PREP: variants seen among roughly 807,000 people sequenced by gnomAD.
PREP encodes dJ355L5.1 (prolyl endopeptidase).
In PREP, 29 loss-of-function variants were observed where a neutral mutation model predicts 87.6. That is an observed-to-expected ratio of 0.33 (90% CI 0.25 to 0.45). The LOEUF is 0.45. PREP is among the 20% of genes least tolerant of loss of function. The probability of loss-of-function intolerance (pLI) is 1.00; values close to 1 mark genes in which losing one functional copy is unlikely to be tolerated. For missense variants in PREP, 695 were observed against 886.5 expected (o/e 0.78, Z 2.74); for synonymous variants, 337 against 328.6 (o/e 1.03, Z -0.28).
rs557872557 is a variant in PREP at position 105,274,700 on chromosome 6, G to A, written c.*3444C>T. Among the ~76,000 whole-genome samples, 1 of 152,260 alleles carries A rather than the reference G, an allele frequency of 6.6e-6. No individual in the cohort carries two copies. The highest frequency in any genetic ancestry group is 1.5e-5 in the Non-Finnish European group (1 of 68,032). ...GGAGAATCACGTGAACCCAAGAGGT[G>A]GAGGTTGCAGTAAGCTGAGATAGCG... On this transcript the variant is annotated 3_prime_UTR_variant, in exon 15 of 15. Transcript: ENST00000652536.
At chr6:105,354,126 GTTCA>G (rs1374132583) in intron 6 of PREP, among the ~76,000 whole-genome samples, 4 of 152,184 alleles carry the variant, frequency 2.6e-5, no homozygotes, top group African/African-American at 9.6e-5. Flanking sequence ...TGTAAATCTA[GTTCA>G]TTCATTTTAA....
chr6:105,298,266 A>G (rs1770454035), intron 10 of PREP: 1 of 152,234 alleles, frequency 6.6e-6, no homozygotes, highest in Non-Finnish European at 1.5e-5. Context: ...TGCTTTGTCA[A>G]GTGACCCTGC....
chr6:105,285,592 T>TA lies in PREP; in HGVS notation c.1455-13dup. 6.2e-7 allele frequency: 1 copy of TA among 1,604,502 alleles called. No individual in the cohort carries two copies. Among genetic ancestry groups the TA allele is most frequent in the Middle Eastern group, 1.7e-4 (1 of 6,042 alleles). On this transcript the variant is annotated splice_polypyrimidine_tract_variant and intron_variant, in intron 11 of 14. Transcript: ENST00000652536. ...TAAGCCTGGAAACACTGAGAAGCAGTAAAAACAGTTAACCTTCCATTAACT... is the reference window on the plus strand; with the variant it reads ...TAAGCCTGGAAACACTGAGAAGCAGTAAAAAACAGTTAACCTTCCATTAACT...
At chr6:105,281,960 A>ACAAGG in intron 13 of PREP, 58 bp from the exon 14 acceptor site, 1 of 1,581,592 alleles carries the variant, frequency 6.3e-7, no homozygotes, top group Admixed American at 1.8e-5. Flanking sequence ...ATCTACATAA[A>ACAAGG]CAAGGCAAGG....
At chr6:105,396,486 A>T (rs1443570716) in intron 2 of PREP, among the ~76,000 whole-genome samples, 8 of 152,164 alleles carry the variant, frequency 5.3e-5, no homozygotes, top group Non-Finnish European at 1.2e-4. Flanking sequence ...TGCTCTGGCT[A>T]AGCTCTTCAC....
chr6:105,344,718 C>T (rs1029687741), intron 7 of PREP, among the ~76,000 whole-genome samples: 2 of 152,094 alleles, frequency 1.3e-5, no homozygotes, highest in Non-Finnish European at 2.9e-5. Context: ...TTAGGAGATA[C>T]ACCTAATGTA....
intron 7 of PREP, among the ~76,000 whole-genome samples, chr6:105,344,522 CCTTTGTAGGGACATGGATGAA>C (rs1189701696): frequency 9.9e-5 from 15 of 151,266 alleles, no homozygotes; most frequent in African/African-American, 3.6e-4. Flanking sequence ...GAGTTCATGT[CCTTTGTAGGGACATGGATGAA>C]GCTGGAAACC....
chr6:105,342,884 A>G (rs1389116489), intron 7 of PREP, among the ~76,000 whole-genome samples: 4 of 152,248 alleles, frequency 2.6e-5, no homozygotes, highest in African/African-American at 9.6e-5. Context: ...AGAGGATACA[A>G]ACAAATGGAA....
At chr6:105,388,970 A>C (rs940664828) in intron 2 of PREP, among the ~76,000 whole-genome samples, 1 of 152,248 alleles carries the variant, frequency 6.6e-6, no homozygotes, top group Non-Finnish European at 1.5e-5. Flanking sequence ...CACACTTACA[A>C]GTCACAGTTC....
chr6:105,367,817 G>T (rs752524134), intron 6 of PREP, among the ~76,000 whole-genome samples: 1 of 152,052 alleles, frequency 6.6e-6, no homozygotes, highest in Non-Finnish European at 1.5e-5. Flanking sequence ...TGAGCCATAC[G>T]GACTTCTGTG....
intron 10 of PREP, among the ~76,000 whole-genome samples, chr6:105,307,373 A>T (rs1027663147): frequency 1.3e-5 from 2 of 152,010 alleles, no homozygotes; most frequent in African/African-American, 4.8e-5. Context: ...GGAGCCTTAG[A>T]TGCTTCTCCT....
intron 7 of PREP, among the ~76,000 whole-genome samples, chr6:105,342,325 T>C (rs1429691246): frequency 1.3e-5 from 2 of 152,114 alleles, no homozygotes; most frequent in Non-Finnish European, 2.9e-5. Flanking sequence ...TCTGACAAAA[T>C]TCAACAGCCT....
chr6:105,362,020 C>T (rs561273898), intron 6 of PREP, among the ~76,000 whole-genome samples: 4 of 152,142 alleles, frequency 2.6e-5, no homozygotes, highest in South Asian at 4.2e-4. Context: ...TTGTGTTGCT[C>T]GGTATGCCAG....
intron 2 of PREP, among the ~76,000 whole-genome samples, chr6:105,392,966 C>T (rs1010062884): frequency 6.6e-6 from 1 of 152,164 alleles, no homozygotes; most frequent in Non-Finnish European, 1.5e-5. Flanking sequence ...ACCTCTCATG[C>T]GTCTCTAAGC....
chr6:105,376,082 G>A (rs1005068229), intron 4 of PREP, 43 bp downstream of exon 4: 1 of 1,579,888 alleles, frequency 6.3e-7, no homozygotes, highest in Admixed American at 1.8e-5. Context: ...AGCTCCAAGT[G>A]AGGGTCTTAG....
In PREP at chr6:105,282,463, C is replaced by T. The variant is rs1770105075; in HGVS notation, c.1669G>A (p.Gly557Ser). The change falls in exon 13 of 15, where the codon GGC (glycine) becomes AGC (serine). Residue 557 changes from glycine (G) to serine (S), a missense_variant. By Grantham distance (56) the Gly-to-Ser change is moderately conservative. Coordinates refer to ENST00000652536, the MANE Select transcript of PREP (RefSeq NM_002726.5). Reference protein sequence around the residue: ...RLTINGGSNGGLLVAACANQR... With the variant: ...RLTINGGSNGSLLVAACANQR... ...ATCCAGTACTCACCCACTAAGAGGC[C>T]TCCATTTGAACCTCCATTAATAGTC... is the stretch of plus-strand genomic sequence containing the variant. 1 of 1,613,642 alleles carries T rather than the reference C, an allele frequency of 6.2e-7. No homozygotes were observed. Among genetic ancestry groups the T allele is most frequent in the African/African-American group, 1.3e-5 (1 of 74,900 alleles).
intron 2 of PREP, among the ~76,000 whole-genome samples, chr6:105,381,113 T>G (rs1421174086): frequency 6.6e-6 from 1 of 152,210 alleles, no homozygotes; most frequent in Admixed American, 6.5e-5. Flanking sequence ...TTTTGTCACC[T>G]CCTACCCACA....
chr6:105,332,492 A>G (rs993917503), intron 8 of PREP, among the ~76,000 whole-genome samples: 1 of 152,164 alleles, frequency 6.6e-6, no homozygotes, highest in Admixed American at 6.5e-5. Context: ...CAGATCTCAA[A>G]GGGGACTTTT....
chr6:105,307,979 G>T (rs1357439845), intron 10 of PREP, among the ~76,000 whole-genome samples: 7 of 152,074 alleles, frequency 4.6e-5, no homozygotes, highest in Admixed American at 2.0e-4. Flanking sequence ...TTTAAATTAG[G>T]ATTAGTCAGT....
Sources: allele counts gnomAD v4.1 joint callset (sites outside exome capture counted in the v4.1 genomes callset), GRCh38; gene constraint gnomAD v4.1.1; transcripts MANE v1.5; gene names NCBI Gene and HGNC (gene_info 2026-07-23, HGNC 2026-07-21).